The following TMEM267 variants were observed in gnomAD, a reference collection of about 807,000 sequenced individuals.
The protein encoded by TMEM267 is transmembrane protein C5orf28.
TMEM267 carries 20 observed loss-of-function variants against 19.3 expected under a neutral mutation model. The ratio of observed to expected loss-of-function variants is 1.04; its 90% confidence interval spans 0.73 to 1.51. TMEM267 has a LOEUF of 1.51. TMEM267 is among the 40% of genes most tolerant of loss of function. The probability of loss-of-function intolerance (pLI) is 0.00; values close to 1 mark genes in which losing one functional copy is unlikely to be tolerated. For missense variants in TMEM267, 242 were observed against 261.9 expected (o/e 0.92, Z 0.52); for synonymous variants, 88 against 90.3 (o/e 0.97, Z 0.15).
chr5:43,458,566 C>T (rs977402570), intron 1 of TMEM267, among the ~76,000 whole-genome samples: 1 of 152,144 alleles, frequency 6.6e-6, no homozygotes, highest in African/African-American at 2.4e-5. Flanking sequence ...GTAAGGGACG[C>T]ATATGTTCAT....
intron 1 of TMEM267, among the ~76,000 whole-genome samples, chr5:43,481,542 C>A (rs1744764256): frequency 6.6e-6 from 1 of 152,038 alleles, no homozygotes. Flanking sequence ...CCTCAACAAG[C>A]AAAATTTACT....
At chr5:43,466,474 C>T (rs1004582394) in intron 1 of TMEM267, among the ~76,000 whole-genome samples, 3 of 152,084 alleles carry the variant, frequency 2.0e-5, no homozygotes, top group African/African-American at 4.8e-5. Flanking sequence ...ATTAAATCAA[C>T]ACTAGACCTG....
intron 2 of TMEM267, among the ~76,000 whole-genome samples, chr5:43,451,938 C>CA: frequency 6.6e-6 from 1 of 151,566 alleles, no homozygotes; most frequent in South Asian, 2.1e-4. Context: ...ATTAGCCTGG[C>CA]ATGGTGGCAT....
chr5:43,446,480 A>T lies in TMEM267; in HGVS notation c.390T>A (p.Phe130Leu). 1 of 1,614,074 alleles carries T rather than the reference A, an allele frequency of 6.2e-7. No homozygotes were observed. The highest frequency in any genetic ancestry group is 8.5e-7 in the Non-Finnish European group (1 of 1,179,924). The change falls in exon 3 of 3, where the codon TTT becomes TTA. Residue 130 changes from phenylalanine to leucine, a missense_variant. By Grantham distance (22) the Phe-to-Leu change is conservative. Coordinates refer to ENST00000397080, the MANE Select transcript of TMEM267 (RefSeq NM_022483.5). ...VIPVVVLTLK[F>L]TMHLFKLKDS... ...CTTTGAGCTTGAAAAGGTGCATAGT[A>T]AATTTCAGGGTCAGAACCACAACGG...
At chr5:43,478,041 G>A (rs963547129) in intron 1 of TMEM267, among the ~76,000 whole-genome samples, 1 of 152,212 alleles carries the variant, frequency 6.6e-6, no homozygotes, top group East Asian at 1.9e-4. Context: ...AGGAACATCT[G>A]TATAGATGAA....
intron 1 of TMEM267, among the ~76,000 whole-genome samples, chr5:43,474,399 C>G (rs772331588): frequency 2.6e-5 from 4 of 152,008 alleles, no homozygotes; most frequent in Admixed American, 6.6e-5. Flanking sequence ...ACAGAGAAAC[C>G]AATTTACAAG....
chr5:43,465,519 G>A (rs1248176707), intron 1 of TMEM267, among the ~76,000 whole-genome samples: 1 of 152,168 alleles, frequency 6.6e-6, no homozygotes, highest in East Asian at 1.9e-4. Flanking sequence ...TATGTTTATT[G>A]CGGCACTATT....
intron 1 of TMEM267, chr5:43,454,380 A>T (rs1398337865): frequency 2.5e-5 from 4 of 157,974 alleles, no homozygotes; most frequent in African/African-American, 9.6e-5. Flanking sequence ...GTACCCAACA[A>T]CTACTTTCCA....
chr5:43,483,794 T>A (rs1461111396), intron 1 of TMEM267, 28 bp downstream of exon 1: 1 of 152,498 alleles, frequency 6.6e-6, no homozygotes, highest in East Asian at 1.9e-4. Context: ...CTCCCCTCAG[T>A]CCCACGCAGC....
intron 2 of TMEM267, 88 bp downstream of exon 2, chr5:43,453,570 C>T (rs1742739383): frequency 8.3e-7 from 1 of 1,199,446 alleles, no homozygotes; most frequent in Non-Finnish European, 1.2e-6. Flanking sequence ...TAAGACAAAT[C>T]CTCTCTAGTT....
At chr5:43,458,945 G>C (rs971386505) in intron 1 of TMEM267, among the ~76,000 whole-genome samples, 1 of 151,396 alleles carries the variant, frequency 6.6e-6, no homozygotes, top group African/African-American at 2.4e-5. Context: ...ACAAAGAGTT[G>C]GGCATTGAAA....
chr5:43,460,300 T>G (rs907668539), intron 1 of TMEM267, among the ~76,000 whole-genome samples: 6 of 151,736 alleles, frequency 4.0e-5, no homozygotes, highest in Admixed American at 3.3e-4. Flanking sequence ...GGCCTGGGGG[T>G]GGGGACTCCT....
intron 1 of TMEM267, among the ~76,000 whole-genome samples, chr5:43,482,188 T>C (rs1744827745): frequency 6.6e-6 from 1 of 152,314 alleles, no homozygotes; most frequent in South Asian, 2.1e-4. Context: ...TGTAATTTAT[T>C]ACACAATAGA....
Position 43,446,187 on chromosome 5 carries a change from CT to C in TMEM267, c.*34del, listed in dbSNP as rs1742222633. Reference sequence around the variant, plus strand: ...GTTGGCTACTCTTAATTATCATCATCTGAGCCATTTGCTTCTCTAAGACTGC... The same window carrying C: ...GTTGGCTACTCTTAATTATCATCATCGAGCCATTTGCTTCTCTAAGACTGC... On this transcript the variant is annotated 3_prime_UTR_variant, in exon 3 of 3. Transcript: ENST00000397080. 7.5e-7 allele frequency: 1 copy of C among 1,326,730 alleles called. No individual in the cohort carries two copies. Among genetic ancestry groups the C allele is most frequent in the African/African-American group, 1.5e-5 (1 of 68,564 alleles). The allele number at this position is 1,326,730 out of a possible 1,614,324, so 82.2% of individuals were successfully genotyped here.
chr5:43,463,282 T>C (rs1445038014), intron 1 of TMEM267, among the ~76,000 whole-genome samples: 2 of 152,140 alleles, frequency 1.3e-5, no homozygotes, highest in Non-Finnish European at 1.5e-5. Flanking sequence ...GGCTCTGAAA[T>C]TGTGGCAATA....
chr5:43,466,680 C>T (rs1157858301), intron 1 of TMEM267, among the ~76,000 whole-genome samples: 1 of 152,134 alleles, frequency 6.6e-6, no homozygotes, highest in East Asian at 1.9e-4. Flanking sequence ...TATTTGTTTA[C>T]ACAGACAGTG....
At chr5:43,482,342 TTTAC>T (rs1158566908) in intron 1 of TMEM267, among the ~76,000 whole-genome samples, 1 of 152,202 alleles carries the variant, frequency 6.6e-6, no homozygotes, top group Non-Finnish European at 1.5e-5. Flanking sequence ...AAAAGAGAAA[TTTAC>T]TAAGTGTTCT....
intron 1 of TMEM267, among the ~76,000 whole-genome samples, chr5:43,462,621 G>A (rs970011138): frequency 6.6e-6 from 1 of 152,150 alleles, no homozygotes; most frequent in South Asian, 2.1e-4. Context: ...TGAAATTCTG[G>A]AGCTGAAAAA....
chr5:43,451,554 A>G (rs111353322), intron 2 of TMEM267, among the ~76,000 whole-genome samples: 3,323 of 152,284 alleles, frequency 0.022, 127 homozygotes, highest in African/African-American at 0.076. Flanking sequence ...ATGAGATGCC[A>G]TCACACACCA....
Sources: gnomAD v4.1 joint callset for allele counts (sites outside exome capture counted in the v4.1 genomes callset) on GRCh38, gnomAD v4.1.1 for gene constraint, MANE v1.5 for transcripts, NCBI Gene and HGNC (gene_info 2026-07-23, HGNC 2026-07-21) for gene names.